ANXA13: variants seen among roughly 807,000 people sequenced by gnomAD.
ANXA13 encodes the protein annexin XIII.
In ANXA13, 36 loss-of-function variants were observed where a neutral mutation model predicts 46.6. The ratio of observed to expected loss-of-function variants is 0.77; its 90% CI spans 0.59 to 1.02. ANXA13 has a LOEUF of 1.02. ANXA13 is among the 50% of genes least tolerant of loss of function. The probability of loss-of-function intolerance (pLI) is 0.00; values close to 1 mark genes in which losing one functional copy is unlikely to be tolerated. For missense variants in ANXA13, 417 were observed against 396.5 expected (o/e 1.05, Z -0.44); for synonymous variants, 163 against 152.9 (o/e 1.07, Z -0.49).
At chr8:123,731,856 C>T (rs2891798) in intron 1 of ANXA13, among the ~76,000 whole-genome samples, 66,394 of 151,852 alleles carry the variant, frequency 0.44, 14,899 homozygotes, top group South Asian at 0.53. Context: ...GCCTTTGCCA[C>T]AGAGCGAGAT....
chr8:123,695,019 C>A (rs1356192244), intron 6 of ANXA13, among the ~76,000 whole-genome samples: 2 of 152,058 alleles, frequency 1.3e-5, no homozygotes, highest in Non-Finnish European at 2.9e-5. Flanking sequence ...AGGGCCAATT[C>A]TGAAAGCCCT....
At chr8:123,699,224 G>C (rs1190186982) in intron 3 of ANXA13, among the ~76,000 whole-genome samples, 4 of 152,184 alleles carry the variant, frequency 2.6e-5, no homozygotes, top group Non-Finnish European at 5.9e-5. Flanking sequence ...TTGTCACCCA[G>C]GCTGGAGTGC....
chr8:123,720,814 C>G (rs28651583), intron 1 of ANXA13, among the ~76,000 whole-genome samples: 46,817 of 151,894 alleles, frequency 0.31, 8,070 homozygotes, highest in South Asian at 0.43. Context: ...AACTCCTGGG[C>G]TCAAGCAATC....
At chr8:123,735,270 T>C (rs1814234130) in intron 1 of ANXA13, among the ~76,000 whole-genome samples, 1 of 152,238 alleles carries the variant, frequency 6.6e-6, no homozygotes, top group South Asian at 2.1e-4. Flanking sequence ...ATTTAATTTA[T>C]ATATTTGTTT....
At chr8:123,712,852 TA>T (rs1813686016) in intron 1 of ANXA13, 99 bp from the exon 2 acceptor site, 1 of 1,006,254 alleles carries the variant, frequency 9.9e-7, no homozygotes, top group Non-Finnish European at 1.5e-6. Flanking sequence ...ATAGTCATCC[TA>T]ACCAGGGACC....
At chr8:123,720,300 G>A (rs1813838103) in intron 1 of ANXA13, among the ~76,000 whole-genome samples, 1 of 152,156 alleles carries the variant, frequency 6.6e-6, no homozygotes, top group African/African-American at 2.4e-5. Context: ...ATTAGAACCA[G>A]GTAGTTTTGC....
At chr8:123,736,764 T>C (rs1194008010) in intron 1 of ANXA13, among the ~76,000 whole-genome samples, 1 of 151,554 alleles carries the variant, frequency 6.6e-6, no homozygotes, top group African/African-American at 2.4e-5. Flanking sequence ...AGGCACTATT[T>C]ACTGCCTTAT....
intron 8 of ANXA13, among the ~76,000 whole-genome samples, chr8:123,691,068 G>T (rs185325712): frequency 1.9e-3 from 294 of 152,326 alleles, no homozygotes; most frequent in Non-Finnish European, 3.3e-3. Context: ...GCAGAAGTTT[G>T]GGAAACTGTT....
At position 123,698,372 on chromosome 8, in the gene ANXA13, G is replaced by C. The variant is rs1813381410; in HGVS notation, c.357+17C>G. ...TTGGGTGTGTGATGCTCCCTTGCGG[G>C]CTCAGCTGGGACTGACCTTATTGGT... On this transcript the variant is annotated intron_variant, in intron 4 of 10. Transcript: ENST00000419625. The C allele has an allele frequency of 6.2e-7, 1 of 1,612,416 alleles. No homozygotes were observed. Among genetic ancestry groups the C allele is most frequent in the African/African-American group, 1.3e-5 (1 of 74,906 alleles).
intron 10 of ANXA13, among the ~76,000 whole-genome samples, chr8:123,683,426 T>C (rs994205259): frequency 6.9e-6 from 1 of 144,592 alleles, no homozygotes; most frequent in Non-Finnish European, 1.5e-5. Context: ...TTTAACCACT[T>C]TTTTTTTTTT....
At chr8:123,693,323 T>C (rs368781769) in intron 7 of ANXA13, 25 bp from the exon 8 acceptor site, 31 of 1,601,796 alleles carry the variant, frequency 1.9e-5, no homozygotes, top group Non-Finnish European at 2.6e-5. Flanking sequence ...ACAAACACTT[T>C]GAAAAAGGCT....
chr8:123,687,984 A>T (rs1346683137), intron 9 of ANXA13, among the ~76,000 whole-genome samples: 1 of 152,224 alleles, frequency 6.6e-6, no homozygotes, highest in African/African-American at 2.4e-5. Flanking sequence ...TTATTTGAAA[A>T]CATTGAAAGG....
intron 1 of ANXA13, among the ~76,000 whole-genome samples, chr8:123,718,092 A>T (rs1388222386): frequency 3.3e-5 from 5 of 152,208 alleles, no homozygotes; most frequent in Non-Finnish European, 7.3e-5. Context: ...TCTCACTTAG[A>T]AACTAACTAT....
rs143581167 is a variant in ANXA13, at chr8:123,702,118, T to C, written c.186+524A>G. Among the ~76,000 whole-genome samples, 350 of 152,328 alleles carry C rather than the reference T, an allele frequency of 2.3e-3. 1 individual carries two copies. Among genetic ancestry groups the C allele is most frequent in the African/African-American group, 7.9e-3 (329 of 41,586 alleles). ...AAAAGTTTAAGTTGTGTTCATTACA[T>C]ATTAATAAAGAAATAAGAAAGCCTA... On this transcript the variant is annotated intron_variant, in intron 3 of 10. Transcript: ENST00000419625.
At chr8:123,730,474 C>A (rs1458877163) in intron 1 of ANXA13, among the ~76,000 whole-genome samples, 2 of 152,142 alleles carry the variant, frequency 1.3e-5, no homozygotes, top group Non-Finnish European at 2.9e-5. Context: ...AAAATCACTG[C>A]TGGCCTAAGG....
intron 2 of ANXA13, among the ~76,000 whole-genome samples, chr8:123,708,535 C>T (rs1413529978): frequency 3.3e-5 from 5 of 152,190 alleles, no homozygotes; most frequent in South Asian, 2.1e-4. Flanking sequence ...TGCTGGGCCG[C>T]GCAGTCCCTC....
Position 123,681,206 on chromosome 8 carries a change from G to GT in ANXA13, c.*33dup, listed in dbSNP as rs1813029739. 1.3e-6 allele frequency: 2 copies of GT among 1,576,598 alleles called. No individual in the cohort carries two copies. Among genetic ancestry groups the GT allele is most frequent in the Non-Finnish European group, 1.7e-6 (2 of 1,161,178 alleles). On this transcript the variant is annotated 3_prime_UTR_variant, in exon 11 of 11. Transcript: ENST00000419625. ...TTGGAATGTGCTCTTGACAAAGGCGGTTCCACCCTGTGTTCCTATTGCCCT... is the reference window on the plus strand; with the variant it reads ...TTGGAATGTGCTCTTGACAAAGGCGGTTTCCACCCTGTGTTCCTATTGCCCT...
intron 1 of ANXA13, among the ~76,000 whole-genome samples, chr8:123,724,469 G>A (rs1813944332): frequency 6.6e-6 from 1 of 152,194 alleles, no homozygotes; most frequent in Non-Finnish European, 1.5e-5. Context: ...AGCAGCCAGG[G>A]TTGAGAACCG....
In ANXA13 at chr8:123,684,640, C is replaced by T. The variant is rs369931826; in HGVS notation, c.801G>A (p.Thr267=). 3.3e-5 allele frequency: 53 copies of T among 1,614,084 alleles called. No individual in the cohort carries two copies. Among genetic ancestry groups the T allele is most frequent in the Middle Eastern group, 3.3e-4 (2 of 6,062 alleles). Reference sequence around the variant, plus strand: ...CCCTGGTCACGACTATGCGAATCAACGTCTCCTCATCGGTCCCCGCACCCT... The same window carrying T: ...CCCTGGTCACGACTATGCGAATCAATGTCTCCTCATCGGTCCCCGCACCCT... ...SMKGAGTDEE[T]LIRIVVTRAE... Residue 267 remains threonine (T), a synonymous_variant, in exon 10 of 11, where the codon ACG becomes ACA. Transcript: ENST00000419625.
Sources: gnomAD v4.1 joint callset for allele counts (sites outside exome capture counted in the v4.1 genomes callset) on GRCh38, gnomAD v4.1.1 for gene constraint, MANE v1.5 for transcripts, NCBI Gene and HGNC (gene_info 2026-07-23, HGNC 2026-07-21) for gene names.